The following TSHZ3 variants were observed in gnomAD, a reference collection of about 807,000 sequenced individuals.
TSHZ3 encodes the protein teashirt homolog 3.
Under a neutral mutation model 64.5 loss-of-function variants are expected in TSHZ3, and 10 were observed. That is an observed-to-expected ratio of 0.16 (90% confidence interval 0.10 to 0.26). The LOEUF (loss-of-function observed/expected upper bound fraction) is 0.26. TSHZ3 is among the 10% of genes least tolerant of loss of function. The pLI is 1.00. For synonymous variants in TSHZ3, 608 were observed against 593.1 expected (o/e 1.03, Z -0.36); for missense variants, 1,242 against 1,421.7 (o/e 0.87, Z 2.03).
chr19:31,340,338 CAAAAAAAAAAAAAAA>C (rs1160334453), intron 1 of TSHZ3, among the ~76,000 whole-genome samples: 2 of 32,762 alleles, frequency 6.1e-5, no homozygotes, highest in Admixed American at 5.6e-4. Flanking sequence ...GCCTACAGTA[CAAAAAAAAAAAAAAA>C]AAAAAAAAAA....
chr19:31,338,581 C>CT (rs34643581), intron 1 of TSHZ3, among the ~76,000 whole-genome samples: 37,222 of 119,102 alleles, frequency 0.31, 6,523 homozygotes, highest in East Asian at 0.45. Flanking sequence ...TTTTTTTTTT[C>CT]TTTTTTTTTT....
At chr19:31,251,052 T>C (rs138613856) in intron 1 of TSHZ3, among the ~76,000 whole-genome samples, 1 of 151,822 alleles carries the variant, frequency 6.6e-6, no homozygotes, top group African/African-American at 2.4e-5. Flanking sequence ...CAGTAGAAGG[T>C]TCTGGAGGGC....
At chr19:31,283,547 A>G (rs1481914206) in intron 1 of TSHZ3, among the ~76,000 whole-genome samples, 4 of 152,224 alleles carry the variant, frequency 2.6e-5, no homozygotes, top group African/African-American at 7.2e-5. Flanking sequence ...AGGTTGCCGC[A>G]CACTGTGCAG....
rs575238546 is a variant in TSHZ3 at position 31,261,738 on chromosome 19, G to A, written n.64-18863C>T. Among the ~76,000 whole-genome samples, 9 of 152,242 alleles carry A rather than the reference G, an allele frequency of 5.9e-5. No homozygotes were observed. In the South Asian group the frequency reaches 1.0e-3, roughly 18 times the overall value. On this transcript the variant is annotated intron_variant and non_coding_transcript_variant, in intron 1 of 6. Transcript: ENST00000651361. Reference sequence around the variant, plus strand: ...CTCGGGTTTCCTGCTTACAGAAACCGGGGGAGAGGTCTGAATTTTCTCTGT... The same window carrying A: ...CTCGGGTTTCCTGCTTACAGAAACCAGGGGAGAGGTCTGAATTTTCTCTGT...
intron 6 of TSHZ3, among the ~76,000 whole-genome samples, chr19:31,154,337 C>T (rs778296917): frequency 6.6e-6 from 1 of 152,186 alleles, no homozygotes; most frequent in Non-Finnish European, 1.5e-5. Context: ...TCATGTCATC[C>T]AGTCCCCCAG....
intron 1 of TSHZ3, chr19:31,308,569 G>T: frequency 2.5e-6 from 1 of 397,942 alleles, no homozygotes; most frequent in Non-Finnish European, 4.4e-6. Flanking sequence ...TTTTGGAAAT[G>T]GAGGTTTCGG....
chr19:31,333,557 A>G (rs529727260), intron 1 of TSHZ3, among the ~76,000 whole-genome samples: 2 of 152,232 alleles, frequency 1.3e-5, no homozygotes, highest in Admixed American at 1.3e-4. Flanking sequence ...CTCTCCAGGC[A>G]GATCCACTTT....
At chr19:31,346,743 A>C (rs1917603089) in intron 1 of TSHZ3, among the ~76,000 whole-genome samples, 1 of 152,156 alleles carries the variant, frequency 6.6e-6, no homozygotes, top group Non-Finnish European at 1.5e-5. Flanking sequence ...AAAACTAAAA[A>C]AGAGGAGAAA....
At chr19:31,321,078 G>T (rs1022524828) in intron 1 of TSHZ3, among the ~76,000 whole-genome samples, 2 of 152,336 alleles carry the variant, frequency 1.3e-5, no homozygotes, top group East Asian at 3.9e-4. Context: ...AATACATAAA[G>T]AATGTAAAAC....
intron 1 of TSHZ3, among the ~76,000 whole-genome samples, chr19:31,302,204 C>T (rs997764462): frequency 4.6e-5 from 7 of 152,192 alleles, no homozygotes; most frequent in African/African-American, 1.4e-4. Flanking sequence ...AGTGACCCCT[C>T]AGTGCATGAG....
intron 1 of TSHZ3, among the ~76,000 whole-genome samples, chr19:31,285,509 G>A (rs892152384): frequency 2.7e-5 from 4 of 150,418 alleles, no homozygotes; most frequent in Non-Finnish European, 4.4e-5. Flanking sequence ...TAGGCCAGGC[G>A]TGGTGGCTTA....
intron 4 of TSHZ3, among the ~76,000 whole-genome samples, chr19:31,216,300 C>T (rs374866190): frequency 6.6e-6 from 1 of 152,128 alleles, no homozygotes; most frequent in African/African-American, 2.4e-5. Flanking sequence ...CAACTAGGAC[C>T]CCTATCAGCA....
At chr19:31,323,192 C>G (rs543880380) in intron 1 of TSHZ3, among the ~76,000 whole-genome samples, 5 of 152,294 alleles carry the variant, frequency 3.3e-5, no homozygotes, top group African/African-American at 1.2e-4. Context: ...TACAGCCAGA[C>G]ACCAAAGGCC....
intron 5 of TSHZ3, among the ~76,000 whole-genome samples, chr19:31,162,480 G>A (rs567366723): frequency 9.2e-5 from 14 of 152,218 alleles, no homozygotes; most frequent in African/African-American, 3.1e-4. Context: ...GGATGAATGA[G>A]TAAATGGATG....
intron 5 of TSHZ3, among the ~76,000 whole-genome samples, chr19:31,188,775 G>C (rs1974854715): frequency 6.6e-6 from 1 of 151,698 alleles, no homozygotes; most frequent in African/African-American, 2.4e-5. Context: ...GTTCTTGTTT[G>C]GTTATTTATT....
chr19:31,187,955 G>A (rs1271540114), intron 5 of TSHZ3, among the ~76,000 whole-genome samples: 1 of 151,992 alleles, frequency 6.6e-6, no homozygotes, highest in African/African-American at 2.4e-5. Flanking sequence ...TCAAAGAGAA[G>A]TCTGCTGGAA....
At chr19:31,298,735 A>G (rs1976703559) in intron 1 of TSHZ3, among the ~76,000 whole-genome samples, 1 of 152,154 alleles carries the variant, frequency 6.6e-6, no homozygotes, top group Admixed American at 6.5e-5. Flanking sequence ...TGACGCTTAG[A>G]GAGACAGAGA....
chr19:31,302,180 C>A (rs1976767884), intron 1 of TSHZ3, among the ~76,000 whole-genome samples: 1 of 152,206 alleles, frequency 6.6e-6, no homozygotes. Context: ...CTCTCCAGGT[C>A]TAGGGTGCAC....
chr19:31,211,917 C>T (rs1055983578), intron 4 of TSHZ3, among the ~76,000 whole-genome samples: 10 of 151,990 alleles, frequency 6.6e-5, no homozygotes, highest in African/African-American at 2.2e-4. Context: ...TGGACTGAGG[C>T]GTGTTGAGGT....
Sources: allele counts gnomAD v4.1 joint callset (sites outside exome capture counted in the v4.1 genomes callset), GRCh38; gene constraint gnomAD v4.1.1; transcripts MANE v1.5; gene names NCBI Gene and HGNC (gene_info 2026-07-23, HGNC 2026-07-21).